The following AP3B1 variants were observed in gnomAD, a reference collection of about 807,000 sequenced individuals.
AP3B1 encodes adaptor related protein complex 3 subunit beta 1.
AP3B1 carries 61 observed loss-of-function variants against 132.5 expected under a neutral mutation model. The ratio of observed to expected loss-of-function variants is 0.46; its 90% CI spans 0.37 to 0.57. The LOEUF (loss-of-function observed/expected upper bound fraction) is 0.57. Among genes scored for constraint, AP3B1 ranks in the 20% least tolerant of loss-of-function variants. The probability of loss-of-function intolerance (pLI) is 0.00; values close to 1 mark genes in which losing one functional copy is unlikely to be tolerated. For missense variants in AP3B1, 1,120 were observed against 1,289.4 expected, an observed-to-expected ratio of 0.87 and a Z score of 2.01; for synonymous variants, 388 against 438.3, an observed-to-expected ratio of 0.89 and a Z score of 1.43.
intron 7 of AP3B1, among the ~76,000 whole-genome samples, chr5:78,207,960 G>A (rs984528085): frequency 6.6e-6 from 1 of 152,158 alleles, no homozygotes; most frequent in African/African-American, 2.4e-5. Context: ...AATCAAGTGT[G>A]AGAGTGACAC....
Position 78,183,867 on chromosome 5 carries a change from TA to T in AP3B1, c.787-2206del, listed in dbSNP as rs899886034. On this transcript the variant is annotated intron_variant, in intron 7 of 26. Transcript: ENST00000255194. Reference sequence around the variant, plus strand: ...GGGCAACAAGAGCAAAATTCCATCTTAAAAAAAAAAAAAAAAAAAAGGCCAG... The same window carrying T: ...GGGCAACAAGAGCAAAATTCCATCTTAAAAAAAAAAAAAAAAAAAGGCCAG... Among the ~76,000 whole-genome samples the T allele has an allele frequency of 3.4e-3, 243 of 71,546 alleles. 1 individual carries two copies. The highest frequency in any genetic ancestry group is 4.9e-3 in the African/African-American group (82 of 16,700). The allele number at this position is 71,546 out of a possible 152,430, so 46.9% of individuals were successfully genotyped here.
rs1181601782 is a variant in AP3B1, at chr5:78,278,598, C to CAA, written c.129-11005_129-11004dup. Among the ~76,000 whole-genome samples the CAA allele has an allele frequency of 2.5e-3, 26 of 10,214 alleles. 1 individual carries two copies. The highest frequency in any genetic ancestry group is 5.3e-3 in the African/African-American group (18 of 3,370). The allele number at this position is 10,214 out of a possible 152,430, so 6.7% of individuals were successfully genotyped here. On this transcript the variant is annotated intron_variant, in intron 1 of 26. Transcript: ENST00000255194. ...TGGGCGACAGAGCGAGACTCCGTCT[C>CAA]AAAAAAAAAAAAAAAAAAAAAAAAA...
intron 15 of AP3B1, among the ~76,000 whole-genome samples, chr5:78,138,276 G>A (rs1176526747): frequency 6.6e-6 from 1 of 151,988 alleles, no homozygotes; most frequent in Non-Finnish European, 1.5e-5. Flanking sequence ...GACCAGCCTG[G>A]CCAACATGGT....
intron 22 of AP3B1, among the ~76,000 whole-genome samples, chr5:78,077,143 A>T (rs1749800626): frequency 6.6e-6 from 1 of 151,946 alleles, no homozygotes; most frequent in Non-Finnish European, 1.5e-5. Context: ...TGTTTCATGG[A>T]TTGTTCTTGA....
intron 2 of AP3B1, among the ~76,000 whole-genome samples, chr5:78,253,068 G>C (rs961662132): frequency 6.6e-6 from 1 of 152,242 alleles, no homozygotes; most frequent in African/African-American, 2.4e-5. Flanking sequence ...TAAGGAAAGA[G>C]AACAAGAGTC....
At chr5:78,125,205 A>G (rs1752407083) in intron 17 of AP3B1, among the ~76,000 whole-genome samples, 1 of 152,186 alleles carries the variant, frequency 6.6e-6, no homozygotes, top group African/African-American at 2.4e-5. Context: ...AGAACTAAGC[A>G]AATAAATTAT....
intron 7 of AP3B1, among the ~76,000 whole-genome samples, chr5:78,211,671 G>C (rs1277496704): frequency 2.6e-5 from 4 of 152,162 alleles, no homozygotes; most frequent in African/African-American, 9.7e-5. Flanking sequence ...ATTTAATTAT[G>C]GTTGTTAGCT....
chr5:78,248,459 C>T (rs1365688921), intron 2 of AP3B1, among the ~76,000 whole-genome samples: 2 of 137,332 alleles, frequency 1.5e-5, no homozygotes, highest in African/African-American at 5.5e-5. Flanking sequence ...CACCACTACA[C>T]TCCAGCCTGG....
At chr5:78,162,439 T>C (rs1031938450) in intron 13 of AP3B1, among the ~76,000 whole-genome samples, 1 of 152,202 alleles carries the variant, frequency 6.6e-6, no homozygotes, top group Non-Finnish European at 1.5e-5. Flanking sequence ...CTCCATGTTA[T>C]AGTCATTTGC....
chr5:78,007,645 T>C (rs745631101), intron 26 of AP3B1, among the ~76,000 whole-genome samples: 28 of 152,164 alleles, frequency 1.8e-4, no homozygotes, highest in Non-Finnish European at 4.0e-4. Flanking sequence ...TAAACATCAA[T>C]ACCAAAGTAT....
At chr5:78,187,927 C>G (rs1424032222) in intron 7 of AP3B1, among the ~76,000 whole-genome samples, 1 of 152,070 alleles carries the variant, frequency 6.6e-6, no homozygotes, top group Non-Finnish European at 1.5e-5. Context: ...GAAATAAAAC[C>G]ACACATCTAC....
intron 2 of AP3B1, among the ~76,000 whole-genome samples, chr5:78,265,130 C>T (rs1277580170): frequency 6.6e-6 from 1 of 151,932 alleles, no homozygotes; most frequent in Non-Finnish European, 1.5e-5. Flanking sequence ...TAACTTAAAA[C>T]GTTGGAAAAA....
chr5:78,192,426 G>A (rs1244430013), intron 7 of AP3B1, among the ~76,000 whole-genome samples: 7 of 151,700 alleles, frequency 4.6e-5, no homozygotes, highest in East Asian at 2.0e-4. Flanking sequence ...TGGATCACCC[G>A]AGGTCAGGAG....
At chr5:78,082,910 G>A (rs775893176) in intron 22 of AP3B1, among the ~76,000 whole-genome samples, 1 of 151,972 alleles carries the variant, frequency 6.6e-6, no homozygotes, top group Non-Finnish European at 1.5e-5. Context: ...CCGCCTTCCG[G>A]GTTTAAGCAA....
chr5:78,244,760 G>A (rs1473777929), intron 2 of AP3B1, among the ~76,000 whole-genome samples: 1 of 152,138 alleles, frequency 6.6e-6, no homozygotes, highest in African/African-American at 2.4e-5. Context: ...ACTTTGGGAG[G>A]CCGAGGAGCG....
intron 22 of AP3B1, among the ~76,000 whole-genome samples, chr5:78,064,158 G>A (rs1749178497): frequency 6.7e-6 from 1 of 149,912 alleles, no homozygotes; most frequent in African/African-American, 2.4e-5. Context: ...GTACATTTTT[G>A]GGCAACTTAC....
At chr5:78,210,321 T>C (rs1047127700) in intron 7 of AP3B1, among the ~76,000 whole-genome samples, 7 of 152,198 alleles carry the variant, frequency 4.6e-5, no homozygotes, top group Admixed American at 4.6e-4. Flanking sequence ...TTCCCTGAAG[T>C]ACCTCTGTAC....
At chr5:78,285,216 T>A (rs550243332) in intron 1 of AP3B1, among the ~76,000 whole-genome samples, 1 of 149,568 alleles carries the variant, frequency 6.7e-6, no homozygotes, top group South Asian at 2.1e-4. Context: ...GCCACTGCAC[T>A]CCAGCCTGGG....
Position 78,124,839 on chromosome 5 carries a change from T to G in AP3B1, c.1968+3191A>C, listed in dbSNP as rs982053844. ...CTCTGAGGTCTGATAAAACGTTTGTTGGATTAATTTAATAACACTAAATCA... is the reference window on the plus strand; with the variant it reads ...CTCTGAGGTCTGATAAAACGTTTGTGGGATTAATTTAATAACACTAAATCA... On this transcript the variant is annotated intron_variant, in intron 17 of 26. Transcript: ENST00000255194. Among the ~76,000 whole-genome samples the G allele has an allele frequency of 3.9e-5, 6 of 152,218 alleles. 1 individual carries two copies. The highest frequency in any genetic ancestry group is 2.6e-4 in the Admixed American group (4 of 15,274).
Sources: allele counts gnomAD v4.1 joint callset (sites outside exome capture counted in the v4.1 genomes callset), GRCh38; gene constraint gnomAD v4.1.1; transcripts MANE v1.5; gene names NCBI Gene and HGNC (gene_info 2026-07-23, HGNC 2026-07-21).